The following INAVA variants were observed in gnomAD, a reference collection of about 807,000 sequenced individuals.
INAVA encodes innate immunity activator, also known as innate immunity activator protein.
INAVA carries 32 observed loss-of-function variants against 55.3 expected under a neutral mutation model. The observed-to-expected ratio is 0.58, with a 90% CI of 0.44 to 0.78. INAVA has a LOEUF of 0.78. INAVA is among the 30% of genes least tolerant of loss of function. INAVA has a pLI of 0.00. For synonymous variants in INAVA, 294 were observed against 329.4 expected, an observed-to-expected ratio of 0.89 and a Z score of 1.16; for missense variants, 756 against 786.4, an observed-to-expected ratio of 0.96 and a Z score of 0.46.
At chr1:200,903,626 GA>G (rs2102308189) in intron 5 of INAVA, among the ~76,000 whole-genome samples, 1 of 151,398 alleles carries the variant, frequency 6.6e-6, no homozygotes, top group South Asian at 2.1e-4. Context: ...CCAACATGGA[GA>G]AACCCCATCT....
chr1:200,908,528 A>T, intron 6 of INAVA: 1 of 494,922 alleles, frequency 2.0e-6, no homozygotes, highest in Non-Finnish European at 3.6e-6. Context: ...GGAAGGCATA[A>T]AATAGGGCTG....
chr1:200,907,786 T>C (rs1653556409), intron 5 of INAVA, 48 bp from the exon 6 acceptor site: 2 of 1,544,024 alleles, frequency 1.3e-6, no homozygotes, highest in Non-Finnish European at 1.8e-6. Flanking sequence ...CATATCTGTT[T>C]GTTCATTTCT....
In INAVA at chr1:200,898,444, T is replaced by C. The variant is rs41269923; in HGVS notation, c.44T>C (p.Ile15Thr). The change falls in exon 2 of 10, where the codon ATC (isoleucine) becomes ACC (threonine). Residue 15 changes from isoleucine (I) to threonine (T), a missense_variant. Around this residue, in one of 2 missense-constraint regions of INAVA, gnomAD observed 639 missense variants for 624.3 expected, o/e 1.02. Coordinates refer to ENST00000413687, the MANE Select transcript of INAVA (RefSeq NM_001142569.3). Reference protein sequence around the residue: ...DEVSDTDSGIILQSGPDSPVS... With the variant: ...DEVSDTDSGITLQSGPDSPVS... ...GTCAGCGACACCGACAGTGGCATCA[T>C]CCTGCAGTCTGGTGAGTGTTCAGGG... The C allele has an allele frequency of 1.6e-5, 26 of 1,613,866 alleles. No homozygotes were observed. The highest frequency in any genetic ancestry group is 1.9e-5 in the Non-Finnish European group (22 of 1,179,972).
upstream of INAVA, chr1:200,891,555 G>C (rs201333191): frequency 8.1e-6 from 13 of 1,602,954 alleles, no homozygotes; most frequent in African/African-American, 1.6e-4. Context: ...TGCAAATGCC[G>C]AAGTTAAATG....
intron 4 of INAVA, 100 bp downstream of exon 4, chr1:200,900,320 C>G (rs1653189175): frequency 9.7e-7 from 1 of 1,030,536 alleles, no homozygotes; most frequent in East Asian, 2.4e-5. Flanking sequence ...CCCTTCCACC[C>G]TTTCACACCC....
upstream of INAVA, among the ~76,000 whole-genome samples, chr1:200,893,602 G>A (rs575574588): frequency 1.6e-4 from 25 of 152,208 alleles, 1 homozygote; most frequent in Non-Finnish European, 3.2e-4. Flanking sequence ...ATGGGGCGGG[G>A]GGAGGAAGAA....
At position 200,911,504 on chromosome 1, in the gene INAVA, C is replaced by T. The variant is rs747894829; in HGVS notation, c.1011C>T (p.Pro337=). Residue 337 remains proline (P), a synonymous_variant, in exon 9 of 10, where the codon CCC becomes CCT. Coordinates refer to ENST00000413687, the MANE Select transcript of INAVA (RefSeq NM_001142569.3). ...GPEGRGRSAF[P]RRRPTHYTVT... Reference sequence around the variant, plus strand: ...AGGGCCGAGGTCGCAGCGCCTTTCCCCGCCGCCGCCCCACTCACTACACGG... The same window carrying T: ...AGGGCCGAGGTCGCAGCGCCTTTCCTCGCCGCCGCCCCACTCACTACACGG... 1 of 1,613,752 alleles carries T rather than the reference C, an allele frequency of 6.2e-7. No individual in the cohort carries two copies.
chr1:200,908,065 G>A (rs1653567373), intron 6 of INAVA, 178 bp downstream of exon 6: 1 of 515,180 alleles, frequency 1.9e-6, no homozygotes, highest in Non-Finnish European at 3.6e-6. Context: ...CTCAGTTGAA[G>A]ATGGGGAATG....
intron 5 of INAVA, among the ~76,000 whole-genome samples, chr1:200,905,816 T>C (rs1030300582): frequency 1.4e-4 from 21 of 152,268 alleles, no homozygotes; most frequent in Admixed American, 9.2e-4. Flanking sequence ...GATTTCAAGA[T>C]GGTTGGAACT....
At chr1:200,894,769 C>A, upstream of INAVA, 5 of 985,086 alleles carry the variant, frequency 5.1e-6, no homozygotes, top group African/African-American at 7.0e-5. Flanking sequence ...ACCCTCCTGC[C>A]CCCCGGAAGT....
rs1227916667 is a variant in INAVA at position 200,909,303 on chromosome 1, C to T, written c.865C>T (p.Pro289Ser). The change falls in exon 8 of 10, where the codon CCC becomes TCC. Residue 289 changes from proline (P) to serine (S), a missense_variant. Around this residue, in one of 2 missense-constraint regions of INAVA, gnomAD observed 639 missense variants for 624.3 expected, o/e 1.02. Coordinates refer to ENST00000413687, the MANE Select transcript of INAVA (RefSeq NM_001142569.3). ...GGAGCCTGCCTCCTACCACGTGGTT[C>T]CCATCCGTGGTGTTCCTGGCCAGTG... ...LLEPASYHVV[P>S]IRGVPGQWQG... The T allele has an allele frequency of 1.2e-6, 2 of 1,612,284 alleles. No individual in the cohort carries two copies. Among genetic ancestry groups the T allele is most frequent in the South Asian group, 2.2e-5 (2 of 90,894 alleles).
At position 200,898,211 on chromosome 1, in the gene INAVA, C is replaced by T. The variant is rs376113630; in HGVS notation, c.-94-96C>T. The T allele has an allele frequency of 3.9e-5, 53 of 1,352,372 alleles. No individual in the cohort carries two copies. The East Asian group carries it at 6.5e-4, about 16-fold the overall frequency. The allele number at this position is 1,352,372 out of a possible 1,614,324, so 83.8% of individuals were successfully genotyped here. A position where few individuals can be genotyped will look rare whatever the true frequency, so the allele number is the denominator to read the frequency against. On this transcript the variant is annotated intron_variant, in intron 1 of 9. Transcript: ENST00000413687. ...GATGGTTCCTGAAGCACAGTCCTCCCTTCCACTCCCCTGCTCTCAAGCATC... is the reference window on the plus strand; with the variant it reads ...GATGGTTCCTGAAGCACAGTCCTCCTTTCCACTCCCCTGCTCTCAAGCATC...
intron 5 of INAVA, among the ~76,000 whole-genome samples, chr1:200,903,575 C>T (rs189430700): frequency 6.6e-5 from 10 of 151,732 alleles, no homozygotes; most frequent in Admixed American, 2.0e-4. Flanking sequence ...GAGGCCGAGG[C>T]GGGTGGATCA....
At chr1:200,900,045 C>A in intron 3 of INAVA, 59 bp from the exon 4 acceptor site, 2 of 1,426,692 alleles carry the variant, frequency 1.4e-6, no homozygotes, top group Admixed American at 1.9e-5. Flanking sequence ...AGTGCAGGGG[C>A]CAGTGAGCCA....
upstream of INAVA, among the ~76,000 whole-genome samples, chr1:200,892,118 A>G (rs1376300504): frequency 2.0e-5 from 3 of 152,284 alleles, no homozygotes; most frequent in African/African-American, 7.2e-5. Flanking sequence ...ACCTTTGCTT[A>G]GTGGAGGCGA....
At chr1:200,895,261 G>T (rs999769632) in intron 1 of INAVA, among the ~76,000 whole-genome samples, 174 bp downstream of exon 1, 1 of 152,082 alleles carries the variant, frequency 6.6e-6, no homozygotes. Context: ...GCCTGTTCTT[G>T]TGGTTGCCTA....
At chr1:200,907,310 G>C (rs1182328364) in intron 5 of INAVA, among the ~76,000 whole-genome samples, 1 of 152,076 alleles carries the variant, frequency 6.6e-6, no homozygotes, top group Non-Finnish European at 1.5e-5. Flanking sequence ...ATTAAAATCA[G>C]GTTTCCTGTC....
At position 200,901,018 on chromosome 1, in the gene INAVA, A is replaced by G; in HGVS notation, c.379A>G (p.Asn127Asp). 1 of 1,550,658 alleles carries G rather than the reference A, an allele frequency of 6.4e-7. No homozygotes were observed. The highest frequency in any genetic ancestry group is 1.7e-4 in the Middle Eastern group (1 of 5,886). ...EAARRLCLEENLSRQARRQRK... is the reference protein window; with the variant it reads ...EAARRLCLEEDLSRQARRQRK... Reference sequence around the variant, plus strand: ...AGCCCGTCGGCTGTGCCTGGAGGAGAACCTCAGCAGGCAGGCTCGGCGGCA... The same window carrying G: ...AGCCCGTCGGCTGTGCCTGGAGGAGGACCTCAGCAGGCAGGCTCGGCGGCA... Residue 127 changes from asparagine to aspartate, a missense_variant, in exon 5 of 10, where the codon AAC becomes GAC. Coordinates refer to ENST00000413687, the MANE Select transcript of INAVA (RefSeq NM_001142569.3).
intron 5 of INAVA, among the ~76,000 whole-genome samples, chr1:200,905,993 C>T (rs991345614): frequency 1.3e-5 from 2 of 152,240 alleles, no homozygotes; most frequent in African/African-American, 4.8e-5. Flanking sequence ...AACCACGTTA[C>T]TCAACTCCTC....
Sources: allele counts gnomAD v4.1 joint callset (sites outside exome capture counted in the v4.1 genomes callset), GRCh38; gene constraint gnomAD v4.1.1; regional missense constraint gnomAD v4.1.1; transcripts MANE v1.5; gene names NCBI Gene and HGNC (gene_info 2026-07-23, HGNC 2026-07-21).